The following GALNT1 variants were observed in gnomAD, a reference collection of about 807,000 sequenced individuals.
The protein encoded by GALNT1 is GalNAc transferase 1.
In GALNT1, 17 loss-of-function variants were observed where a neutral mutation model predicts 65.7. That is an observed-to-expected ratio of 0.26 (90% CI 0.18 to 0.39). The LOEUF is 0.39. GALNT1 is among the 10% of genes least tolerant of loss of function. The pLI is 1.00. For synonymous variants in GALNT1, 210 were observed against 219.7 expected (o/e 0.96, Z 0.39); for missense variants, 460 against 672.8 (o/e 0.68, Z 3.50).
chr18:35,659,004 C>T (rs1269768648), intron 2 of GALNT1, among the ~76,000 whole-genome samples: 1 of 152,144 alleles, frequency 6.6e-6, no homozygotes, highest in African/African-American at 2.4e-5. Context: ...GCTGCTGTGC[C>T]TGGCATCAAA....
At chr18:35,693,989 G>C (rs2048011392) in intron 9 of GALNT1, among the ~76,000 whole-genome samples, 1 of 152,196 alleles carries the variant, frequency 6.6e-6, no homozygotes, top group Non-Finnish European at 1.5e-5. Flanking sequence ...CTAGAGAGTG[G>C]TGTCGCCAAG....
rs112940489 is a variant in GALNT1, at chr18:35,595,025, A to C, written c.-104+13163A>C. Among the ~76,000 whole-genome samples the C allele has an allele frequency of 6.4e-3, 967 of 152,178 alleles. 18 individuals carry two copies. Among genetic ancestry groups the C allele is most frequent in the African/African-American group, 0.022 (918 of 41,504 alleles). ...AGTGTTGAAATCAACTCATTAGGGG[A>C]GGCTAGATGGTGCCTTAAAGATCAG... On this transcript the variant is annotated intron_variant, in intron 1 of 11. Transcript: ENST00000269195.
At chr18:35,590,060 A>G (rs1024219877) in intron 1 of GALNT1, among the ~76,000 whole-genome samples, 3 of 152,138 alleles carry the variant, frequency 2.0e-5, no homozygotes, top group Non-Finnish European at 4.4e-5. Flanking sequence ...TTTTAAAATG[A>G]TAGACTAGTG....
Position 35,654,613 on chromosome 18 carries a change from GTATATTTA to G in GALNT1, c.-44_-37del. ...GATTGGAATAATTTTCATGATCTTT[GTATATTTA>G]TATATATATATTTTTAAATTTTGCA... On this transcript the variant is annotated 5_prime_UTR_variant, in exon 2 of 12. An upstream open reading frame in the 5' UTR loses its in-frame stop. Coordinates refer to ENST00000269195, the MANE Select transcript of GALNT1 (RefSeq NM_020474.4). 2.9e-6 allele frequency: 3 copies of G among 1,026,602 alleles called. No individual in the cohort carries two copies. The highest frequency in any genetic ancestry group is 3.8e-6 in the Non-Finnish European group (3 of 786,864). 63.6% of individuals were successfully genotyped at this position (1,026,602 alleles called of 1,614,324 possible). A position where few individuals can be genotyped will look rare whatever the true frequency, so the allele number is the denominator to read the frequency against.
intron 2 of GALNT1, among the ~76,000 whole-genome samples, chr18:35,660,235 TA>T (rs1251493086): frequency 1.3e-5 from 2 of 151,972 alleles, no homozygotes; most frequent in Non-Finnish European, 2.9e-5. Context: ...CATATAACTT[TA>T]GTCTACTTTC....
chr18:35,662,309 A>C (rs990394618), intron 2 of GALNT1, among the ~76,000 whole-genome samples: 1 of 152,198 alleles, frequency 6.6e-6, no homozygotes, highest in African/African-American at 2.4e-5. Context: ...GTTTCCTATA[A>C]TTTTTAAAGT....
intron 1 of GALNT1, among the ~76,000 whole-genome samples, chr18:35,643,117 T>G (rs1196242252): frequency 6.6e-6 from 1 of 151,968 alleles, no homozygotes; most frequent in African/African-American, 2.4e-5. Context: ...GAGGAGAGGT[T>G]AAGGGTCAGA....
At chr18:35,615,175 C>T (rs1357488935) in intron 1 of GALNT1, among the ~76,000 whole-genome samples, 1 of 152,066 alleles carries the variant, frequency 6.6e-6, no homozygotes, top group Non-Finnish European at 1.5e-5. Flanking sequence ...GAAGCAAGTA[C>T]TTGTCTTACA....
chr18:35,602,146 G>C (rs1000039314), intron 1 of GALNT1, among the ~76,000 whole-genome samples: 73 of 150,430 alleles, frequency 4.9e-4, no homozygotes, highest in African/African-American at 1.8e-3. Flanking sequence ...GGTCATCTGG[G>C]TTGGTAATTT....
chr18:35,600,738 T>TTTA (rs2046571887), intron 1 of GALNT1, among the ~76,000 whole-genome samples: 1 of 152,118 alleles, frequency 6.6e-6, no homozygotes, highest in Non-Finnish European at 1.5e-5. Flanking sequence ...ATGTGTCAAG[T>TTTA]TTATTGACTT....
intron 1 of GALNT1, among the ~76,000 whole-genome samples, chr18:35,632,253 G>A (rs1240235824): frequency 6.6e-6 from 1 of 152,120 alleles, no homozygotes; most frequent in Non-Finnish European, 1.5e-5. Context: ...TCAATCCTAA[G>A]CCAAAAGAAC....
intron 1 of GALNT1, among the ~76,000 whole-genome samples, chr18:35,626,924 A>C (rs58474381): frequency 0.062 from 9,393 of 152,332 alleles, 324 homozygotes; most frequent in South Asian, 0.077. Context: ...CCTCCCTTTC[A>C]GTACCATTAG....
At chr18:35,605,318 T>G (rs1375295297) in intron 1 of GALNT1, among the ~76,000 whole-genome samples, 1 of 151,986 alleles carries the variant, frequency 6.6e-6, no homozygotes, top group African/African-American at 2.4e-5. Flanking sequence ...GCCAACATGG[T>G]GAAACCCCGT....
intron 3 of GALNT1, among the ~76,000 whole-genome samples, chr18:35,671,444 T>C (rs2047634898): frequency 1.3e-5 from 2 of 152,192 alleles, no homozygotes; most frequent in Non-Finnish European, 2.9e-5. Flanking sequence ...TGGGACTTTG[T>C]ATTTTAAATT....
At chr18:35,695,272 TG>T (rs1170892507) in intron 9 of GALNT1, among the ~76,000 whole-genome samples, 1 of 79,316 alleles carries the variant, frequency 1.3e-5, no homozygotes, top group Non-Finnish European at 2.5e-5. Flanking sequence ...GGGTGTTGGG[TG>T]GGGGTGGGAA....
intron 1 of GALNT1, among the ~76,000 whole-genome samples, chr18:35,637,394 G>A (rs1027186337): frequency 3.9e-5 from 6 of 152,214 alleles, no homozygotes; most frequent in African/African-American, 1.4e-4. Flanking sequence ...ACACACAAAT[G>A]ATAAGAAAGC....
At chr18:35,680,683 T>C (rs1243745729) in intron 4 of GALNT1, among the ~76,000 whole-genome samples, 1 of 152,212 alleles carries the variant, frequency 6.6e-6, no homozygotes, top group East Asian at 1.9e-4. Flanking sequence ...GTAACTCTAT[T>C]TATTAAAGAA....
intron 9 of GALNT1, among the ~76,000 whole-genome samples, chr18:35,695,619 A>G (rs1369641989): frequency 6.6e-6 from 1 of 152,198 alleles, no homozygotes; most frequent in Non-Finnish European, 1.5e-5. Flanking sequence ...AGACTTACGC[A>G]TTTATCCTAA....
chr18:35,655,102 A>G (rs2047364980), intron 2 of GALNT1, among the ~76,000 whole-genome samples: 1 of 152,162 alleles, frequency 6.6e-6, no homozygotes, highest in Non-Finnish European at 1.5e-5. Context: ...GGATATCAAA[A>G]TTGTACAGAA....
Sources: allele counts gnomAD v4.1 joint callset (sites outside exome capture counted in the v4.1 genomes callset), GRCh38; gene constraint gnomAD v4.1.1; transcripts MANE v1.5; gene names NCBI Gene and HGNC (gene_info 2026-07-23, HGNC 2026-07-21).